CACNB3: variants seen among roughly 807,000 people sequenced by gnomAD.
The protein encoded by CACNB3 is voltage-dependent L-type calcium channel subunit beta-3.
A neutral mutation model predicts 63.7 loss-of-function variants in CACNB3; 36 were observed. The ratio of observed to expected loss-of-function variants is 0.57; its 90% CI spans 0.43 to 0.75. The LOEUF (loss-of-function observed/expected upper bound fraction) is 0.75, where lower values mean the gene tolerates loss of function less well. Among genes scored for constraint, CACNB3 ranks in the 30% least tolerant of loss-of-function variants. The pLI is 0.00. For synonymous variants in CACNB3, 241 were observed against 250.6 expected (o/e 0.96, Z 0.36); for missense variants, 493 against 648.6 (o/e 0.76, Z 2.61).
At chr12:48,814,482 A>C, upstream of CACNB3, 1 of 1,528,034 alleles carries the variant, frequency 6.5e-7, no homozygotes. This position sits in a 1 kb window ranked among gnomAD's most constrained non-coding sequence, Gnocchi z 6.9. Context: ...GCGACTCTGT[A>C]CTCCCTGCTG....
In CACNB3 at chr12:48,824,264, A is replaced by G; in HGVS notation, c.298A>G (p.Ser100Gly). The change falls in exon 4 of 13, where the codon AGC becomes GGC. Residue 100 changes from serine to glycine, a missense_variant. Coordinates refer to ENST00000301050, the MANE Select transcript of CACNB3 (RefSeq NM_000725.4). ...KDFLHIKEKY[S>G]NDWWIGRLVK... ...CTGCTCCACCTGCCCCCAGAAGTAC[A>G]GCAATGACTGGTGGATCGGGCGGCT... 6 of 1,612,320 alleles carry G rather than the reference A, an allele frequency of 3.7e-6. No homozygotes were observed. The highest frequency in any genetic ancestry group is 5.1e-6 in the Non-Finnish European group (6 of 1,179,278).
At chr12:48,814,587 G>A (rs1424515076), upstream of CACNB3, 1 of 1,495,428 alleles carries the variant, frequency 6.7e-7, no homozygotes, top group East Asian at 2.6e-5. This position sits in a 1 kb window ranked among gnomAD's most constrained non-coding sequence, Gnocchi z 6.9. Flanking sequence ...AAGGGCGCGG[G>A]TGTCTCGAAG....
At chr12:48,820,776 G>A (rs1937807576) in intron 1 of CACNB3, 1 of 152,276 alleles carries the variant, frequency 6.6e-6, no homozygotes, top group Non-Finnish European at 1.5e-5. Context: ...TGGAGGACTT[G>A]GGAGTAATGG....
At chr12:48,817,002 G>A (rs141071720), upstream of CACNB3, 15 of 985,492 alleles carry the variant, frequency 1.5e-5, no homozygotes, top group East Asian at 1.5e-3. Flanking sequence ...CTGGGTGAGG[G>A]CACAAAAGTG....
chr12:48,818,038 CG>C (rs1448345424), upstream of CACNB3: 4 of 152,352 alleles, frequency 2.6e-5, no homozygotes, highest in Non-Finnish European at 5.9e-5. The surrounding 1 kb of genome is among the most constrained non-coding windows in gnomAD (Gnocchi z 4.3). Context: ...TTTGCCGCAG[CG>C]TCCCCGTACT....
In CACNB3 at chr12:48,827,943, C is replaced by G. The variant is rs1210639471; in HGVS notation, c.*44C>G. 8 of 1,533,502 alleles carry G rather than the reference C, an allele frequency of 5.2e-6. No individual in the cohort carries two copies. The highest frequency in any genetic ancestry group is 7.2e-6 in the Non-Finnish European group (8 of 1,118,706). 95.0% of individuals were successfully genotyped at this position (1,533,502 alleles called of 1,614,324 possible). A position where few individuals can be genotyped will look rare whatever the true frequency, so the allele number is the denominator to read the frequency against. ...CCCTGGCAGGCACAGGCGCAGCTGG[C>G]TGGGGGGCCCACTCCAGGCAGGGTG... On this transcript the variant is annotated 3_prime_UTR_variant, in exon 13 of 13. Coordinates refer to ENST00000301050, the MANE Select transcript of CACNB3 (RefSeq NM_000725.4).
upstream of CACNB3, among the ~76,000 whole-genome samples, chr12:48,814,734 G>C (rs1338974253): frequency 6.6e-6 from 1 of 152,148 alleles, no homozygotes; most frequent in African/African-American, 2.4e-5. The surrounding 1 kb of genome is among the most constrained non-coding windows in gnomAD (Gnocchi z 6.9). Context: ...GATCCGGGGT[G>C]CGTCCCCCCT....
chr12:48,828,007 C>T lies in CACNB3; in HGVS notation c.*108C>T. On this transcript the variant is annotated 3_prime_UTR_variant, in exon 13 of 13. Coordinates refer to ENST00000301050, the MANE Select transcript of CACNB3 (RefSeq NM_000725.4). ...ATCAGGCTGGCACTAGGCTCAGCCCCCAAAACCCCCTGCCCAGCCCCAGCT... is the reference window on the plus strand; with the variant it reads ...ATCAGGCTGGCACTAGGCTCAGCCCTCAAAACCCCCTGCCCAGCCCCAGCT... 2 of 942,306 alleles carry T rather than the reference C, an allele frequency of 2.1e-6. No homozygotes were observed. Among genetic ancestry groups the T allele is most frequent in the Non-Finnish European group, 3.2e-6 (2 of 620,124 alleles). 58.4% of individuals were successfully genotyped at this position (942,306 alleles called of 1,614,324 possible).
chr12:48,827,877 C>T lies in CACNB3; in HGVS notation c.1433C>T (p.Pro478Leu). 1.2e-6 allele frequency: 2 copies of T among 1,613,912 alleles called. No homozygotes were observed. Among genetic ancestry groups the T allele is most frequent in the Non-Finnish European group, 1.7e-6 (2 of 1,179,856 alleles). Residue 478 changes from proline (P) to leucine (L), a missense_variant, in exon 13 of 13, where the codon CCT becomes CTT. Physicochemically the swap from Pro to Leu is moderately conservative, Grantham distance 98. Transcript: ENST00000301050. ...GACCGGAACTGGCAGCGCAACCGGCCTTGGCCCAAGGATAGCTACTGACAG... is the reference window on the plus strand; with the variant it reads ...GACCGGAACTGGCAGCGCAACCGGCTTTGGCCCAAGGATAGCTACTGACAG... ...HSDRNWQRNRPWPKDSY is the reference protein window; with the variant it reads ...HSDRNWQRNRLWPKDSY
At chr12:48,822,667 C>G (rs1937913986) in intron 1 of CACNB3, among the ~76,000 whole-genome samples, 1 of 152,112 alleles carries the variant, frequency 6.6e-6, no homozygotes, top group Non-Finnish European at 1.5e-5. Flanking sequence ...GTTGCCCCAG[C>G]AGGTGTGGAA....
In CACNB3 at chr12:48,828,510, G is replaced by A. The variant is rs1027458818; in HGVS notation, c.*611G>A. 5 of 368,420 alleles carry A rather than the reference G, an allele frequency of 1.4e-5. No individual in the cohort carries two copies. Among genetic ancestry groups the A allele is most frequent in the Non-Finnish European group, 2.7e-5 (5 of 185,822 alleles). 22.8% of individuals were successfully genotyped at this position (368,420 alleles called of 1,614,324 possible). A position where few individuals can be genotyped will look rare whatever the true frequency, so the allele number is the denominator to read the frequency against. The stretch of plus-strand genomic sequence containing the variant: ...ACGCTCGGGCCAGAGAGAGCTCACA[G>A]CTGAAGCTCTTGGAGGGAAGGGCTC... On this transcript the variant is annotated 3_prime_UTR_variant, in exon 13 of 13. Transcript: ENST00000301050.
In CACNB3 at chr12:48,826,714, A is replaced by G; in HGVS notation, c.895-45A>G. On this transcript the variant is annotated intron_variant, in intron 10 of 12. Transcript: ENST00000301050. The surrounding 1 kb of genome is among the most constrained non-coding windows in gnomAD (Gnocchi z 4.8). Reference sequence around the variant, plus strand: ...GCTCTGCCCGGGCTCAGCTCTGCCCAGAGTCCTGAGAGACTCCAGGCCTAG... The same window carrying G: ...GCTCTGCCCGGGCTCAGCTCTGCCCGGAGTCCTGAGAGACTCCAGGCCTAG... 6.5e-7 allele frequency: 1 copy of G among 1,527,122 alleles called. No individual in the cohort carries two copies. Among genetic ancestry groups the G allele is most frequent in the Non-Finnish European group, 9.1e-7 (1 of 1,100,948 alleles). 94.6% of individuals were successfully genotyped at this position (1,527,122 alleles called of 1,614,324 possible).
At position 48,827,775 on chromosome 12, in the gene CACNB3, C is replaced by T; in HGVS notation, c.1331C>T (p.Thr444Ile). ...CTGTACCAGCCTCACCGCCAACACACCTCGGGGCTGCCTAGTGCTAACGGG... is the reference window on the plus strand; with the variant it reads ...CTGTACCAGCCTCACCGCCAACACATCTCGGGGCTGCCTAGTGCTAACGGG... ...QDLYQPHRQH[T>I]SGLPSANGHD... Residue 444 changes from threonine to isoleucine, a missense_variant, in exon 13 of 13, where the codon ACC becomes ATC. Thr to Ile is a moderately conservative substitution (Grantham distance 89, BLOSUM62 -1). Coordinates refer to ENST00000301050, the MANE Select transcript of CACNB3 (RefSeq NM_000725.4). The T allele has an allele frequency of 1.2e-6, 2 of 1,614,232 alleles. No individual in the cohort carries two copies. Among genetic ancestry groups the T allele is most frequent in the Non-Finnish European group, 1.7e-6 (2 of 1,180,044 alleles).
At chr12:48,824,923 A>T in intron 5 of CACNB3, 26 bp from the exon 6 acceptor site, 1 of 1,612,904 alleles carries the variant, frequency 6.2e-7, no homozygotes, top group Middle Eastern at 1.6e-4. Flanking sequence ...CACCAACTTT[A>T]ATCTTGTATT....
At chr12:48,814,859 C>A (rs2446988), upstream of CACNB3, 1 of 339,476 alleles carries the variant, frequency 2.9e-6, no homozygotes, top group South Asian at 1.1e-4. This position sits in a 1 kb window ranked among gnomAD's most constrained non-coding sequence, Gnocchi z 6.9. Context: ...CCAGCGAGCC[C>A]AAGGGGCGCT....
chr12:48,823,374 T>G lies in CACNB3; in HGVS notation c.76T>G (p.Ser26Ala), dbSNP rs1937955945. 1 of 1,613,962 alleles carries G rather than the reference T, an allele frequency of 6.2e-7. No homozygotes were observed. Among genetic ancestry groups the G allele is most frequent in the Admixed American group, 1.7e-5 (1 of 59,998 alleles). ...AGCCGACTCCTACACCAGCCGCCCA[T>G]CTCTGGACTCAGACGTCTCCCTGGA... ...GSADSYTSRPSLDSDVSLEED... is the reference protein window; with the variant it reads ...GSADSYTSRPALDSDVSLEED... The change falls in exon 2 of 13, where the codon TCT (serine) becomes GCT (alanine). Residue 26 changes from serine to alanine, a missense_variant. Coordinates refer to ENST00000301050, the MANE Select transcript of CACNB3 (RefSeq NM_000725.4). The surrounding 1 kb of genome is among the most constrained non-coding windows in gnomAD (Gnocchi z 4.2).
Position 48,826,304 on chromosome 12 carries a change from A to G in CACNB3, c.743-63A>G, listed in dbSNP as rs1464661622. The G allele has an allele frequency of 6.4e-7, 1 of 1,573,070 alleles. No homozygotes were observed. Among genetic ancestry groups the G allele is most frequent in the African/African-American group, 1.4e-5 (1 of 73,978 alleles). Reference sequence around the variant, plus strand: ...CTGTCCACCATTCGGGAGCCCTCAAAGCCTGCTGGAGTGAGCAGTGGGCAG... The same window carrying G: ...CTGTCCACCATTCGGGAGCCCTCAAGGCCTGCTGGAGTGAGCAGTGGGCAG... On this transcript the variant is annotated intron_variant, in intron 9 of 12. Transcript: ENST00000301050. The surrounding 1 kb of genome is among the most constrained non-coding windows in gnomAD (Gnocchi z 4.8).
In CACNB3 at chr12:48,826,495, T is replaced by C; in HGVS notation, c.871T>C (p.Phe291Leu). 6.2e-7 allele frequency: 1 copy of C among 1,614,106 alleles called. No individual in the cohort carries two copies. The highest frequency in any genetic ancestry group is 8.5e-7 in the Non-Finnish European group (1 of 1,179,982). Residue 291 changes from phenylalanine (F) to leucine (L), a missense_variant, in exon 10 of 13, where the codon TTT becomes CTT. By Grantham distance (22) the Phe-to-Leu change is conservative. Coordinates refer to ENST00000301050, the MANE Select transcript of CACNB3 (RefSeq NM_000725.4). The surrounding 1 kb of genome is among the most constrained non-coding windows in gnomAD (Gnocchi z 4.8). ...GACCTCGCTGGCCCCCATCATCGTC[T>C]TTGTCAAAGTGTCCTCACCAAAGGT... is the stretch of plus-strand genomic sequence containing the variant. ...AKTSLAPIIV[F>L]VKVSSPKVLQ...
chr12:48,825,584 AG>A lies in CACNB3; in HGVS notation c.633-75del. Reference sequence around the variant, plus strand: ...TGTAGCTAGTCTTCTCTAAGGGAAGAGTTAGTGGGAGCTGAGTAAGGAGAGG... The same window carrying A: ...TGTAGCTAGTCTTCTCTAAGGGAAGATTAGTGGGAGCTGAGTAAGGAGAGG... On this transcript the variant is annotated intron_variant, in intron 8 of 12. Coordinates refer to ENST00000301050, the MANE Select transcript of CACNB3 (RefSeq NM_000725.4). This position sits in a 1 kb window ranked among gnomAD's most constrained non-coding sequence, Gnocchi z 4.5. 1 of 1,572,704 alleles carries A rather than the reference AG, an allele frequency of 6.4e-7. No homozygotes were observed. The highest frequency in any genetic ancestry group is 8.8e-7 in the Non-Finnish European group (1 of 1,142,490).
Sources: gnomAD v4.1 joint callset for allele counts (sites outside exome capture counted in the v4.1 genomes callset) on GRCh38, gnomAD v4.1.1 for gene constraint, Gnocchi (gnomAD v3.1) non-coding constraint, MANE v1.5 for transcripts, NCBI Gene and HGNC (gene_info 2026-07-23, HGNC 2026-07-21) for gene names.